ZC3H6: variants seen among roughly 807,000 people sequenced by gnomAD.
ZC3H6 encodes zinc finger CCCH domain-containing protein 6.
ZC3H6 carries 40 observed loss-of-function variants against 107.7 expected under a neutral mutation model. That is an observed-to-expected ratio of 0.37 (90% confidence interval 0.29 to 0.48). The LOEUF (loss-of-function observed/expected upper bound fraction) is 0.48. Among genes scored for constraint, ZC3H6 ranks in the 20% least tolerant of loss-of-function variants. The probability of loss-of-function intolerance (pLI) is 0.98; values close to 1 mark genes in which losing one functional copy is unlikely to be tolerated. For synonymous variants in ZC3H6, 493 were observed against 487.9 expected, an observed-to-expected ratio of 1.01 and a Z score of -0.14; for missense variants, 1,267 against 1,410.4, an observed-to-expected ratio of 0.90 and a Z score of 1.63.
At chr2:112,282,742 C>T (rs1686549468) in intron 1 of ZC3H6, among the ~76,000 whole-genome samples, 1 of 152,104 alleles carries the variant, frequency 6.6e-6, no homozygotes, top group Non-Finnish European at 1.5e-5. Context: ...AATGGAAAAC[C>T]AAATTTCAAT....
intron 3 of ZC3H6, among the ~76,000 whole-genome samples, chr2:112,307,683 C>T (rs58337061): frequency 0.51 from 77,414 of 151,874 alleles, 21,920 homozygotes; most frequent in East Asian, 0.77. Context: ...GGTGTGAATG[C>T]GAATGTGAAG....
chr2:112,277,283 C>T (rs1048594487), intron 1 of ZC3H6, among the ~76,000 whole-genome samples: 1 of 151,906 alleles, frequency 6.6e-6, no homozygotes, highest in Non-Finnish European at 1.5e-5. Context: ...ATTTTTTTAA[C>T]GTTATCTTTT....
Position 112,332,321 on chromosome 2 carries a change from C to A in ZC3H6, c.3403C>A (p.Gln1135Lys). 1 of 1,613,952 alleles carries A rather than the reference C, an allele frequency of 6.2e-7. No individual in the cohort carries two copies. The highest frequency in any genetic ancestry group is 8.5e-7 in the Non-Finnish European group (1 of 1,179,870). Residue 1135 changes from glutamine to lysine, a missense_variant, in exon 12 of 12, where the codon CAG (glutamine) becomes AAG (lysine). Physicochemically the swap from Gln to Lys is moderately conservative, Grantham distance 53 (BLOSUM62 1). This residue lies in a region of ZC3H6 where 925 missense variants were observed against 1,025.7 expected (regional missense o/e 0.90). Coordinates refer to ENST00000409871, the MANE Select transcript of ZC3H6 (RefSeq NM_198581.3). ...QVPAVHSLPV[Q>K]ALTGLIRPQY... ...CCCAGCAGTGCACAGCCTTCCTGTTCAGGCATTAACAGGCTTAATTAGGCC... is the reference window on the plus strand; with the variant it reads ...CCCAGCAGTGCACAGCCTTCCTGTTAAGGCATTAACAGGCTTAATTAGGCC...
intron 1 of ZC3H6, among the ~76,000 whole-genome samples, chr2:112,299,337 C>A (rs1005599120): frequency 2.0e-5 from 3 of 151,878 alleles, no homozygotes; most frequent in Non-Finnish European, 2.9e-5. Context: ...GCTGCACCAA[C>A]TGGATCCTAG....
chr2:112,280,602 A>G (rs544863871), intron 1 of ZC3H6, among the ~76,000 whole-genome samples: 1 of 152,290 alleles, frequency 6.6e-6, no homozygotes, highest in Non-Finnish European at 1.5e-5. Context: ...AATACATAGT[A>G]TAGCACAAGT....
At chr2:112,294,842 T>G (rs528526288) in intron 1 of ZC3H6, among the ~76,000 whole-genome samples, 4 of 152,334 alleles carry the variant, frequency 2.6e-5, no homozygotes, top group African/African-American at 9.6e-5. Context: ...TCTTGAATTT[T>G]TATACCATAG....
At chr2:112,284,159 G>T (rs1466069786) in intron 1 of ZC3H6, among the ~76,000 whole-genome samples, 1 of 151,612 alleles carries the variant, frequency 6.6e-6, no homozygotes, top group Non-Finnish European at 1.5e-5. Context: ...GTGCTTCTGT[G>T]TGGGGTTGAG....
At position 112,338,741 on chromosome 2, in the gene ZC3H6, G is replaced by T. The variant is rs1005164249; in HGVS notation, c.*6253G>T. 8.6e-5 allele frequency: 13 copies of T among 150,710 alleles called. No individual in the cohort carries two copies. Among genetic ancestry groups the T allele is most frequent in the East Asian group, 3.9e-4 (2 of 5,162 alleles). The allele number at this position is 150,710 out of a possible 1,614,324, so 9.3% of individuals were successfully genotyped here. On this transcript the variant is annotated 3_prime_UTR_variant, in exon 12 of 12. Transcript: ENST00000409871. ...GGTCTGATATGTAATTTATTGTAAA[G>T]AAATTAAATATATAGAGGCTCAATT...
intron 11 of ZC3H6, among the ~76,000 whole-genome samples, chr2:112,329,795 C>T (rs1676985572): frequency 6.6e-6 from 1 of 152,194 alleles, no homozygotes; most frequent in South Asian, 2.1e-4. Context: ...TGTTCTGACT[C>T]TTACGTTCTG....
chr2:112,304,181 T>C (rs1364577157), intron 3 of ZC3H6, among the ~76,000 whole-genome samples: 2 of 152,206 alleles, frequency 1.3e-5, no homozygotes, highest in Non-Finnish European at 2.9e-5. Flanking sequence ...CATCTCATTG[T>C]GGTTTTGAGT....
intron 11 of ZC3H6, among the ~76,000 whole-genome samples, chr2:112,330,463 T>C (rs1677005130): frequency 1.3e-5 from 2 of 152,244 alleles, no homozygotes; most frequent in Non-Finnish European, 2.9e-5. Flanking sequence ...ATTCCTCATT[T>C]GCTCAGTTTC....
At position 112,316,458 on chromosome 2, in the gene ZC3H6, T is replaced by C. The variant is rs577628027; in HGVS notation, c.748-12T>C. Reference sequence around the variant, plus strand: ...TCATATGCTGCATTCAAATGGAATTTTTTTCTTGCAGTATAATAAACCAGG... The same window carrying C: ...TCATATGCTGCATTCAAATGGAATTCTTTTCTTGCAGTATAATAAACCAGG... On this transcript the variant is annotated splice_polypyrimidine_tract_variant and intron_variant, in intron 5 of 11. Coordinates refer to ENST00000409871, the MANE Select transcript of ZC3H6 (RefSeq NM_198581.3). The C allele has an allele frequency of 7.8e-6, 12 of 1,535,526 alleles. No homozygotes were observed. The East Asian group carries it at 2.3e-4, about 29-fold the overall frequency.
intron 1 of ZC3H6, among the ~76,000 whole-genome samples, chr2:112,299,436 A>G (rs1676318286): frequency 6.6e-6 from 1 of 152,212 alleles, no homozygotes. Context: ...TAAGTTAAAA[A>G]TACCTTCCTG....
intron 11 of ZC3H6, among the ~76,000 whole-genome samples, chr2:112,330,327 AC>A (rs1677002358): frequency 6.6e-6 from 1 of 152,204 alleles, no homozygotes; most frequent in East Asian, 1.9e-4. Flanking sequence ...TGCTGGAATT[AC>A]AGGTGTGAGC....
intron 11 of ZC3H6, among the ~76,000 whole-genome samples, chr2:112,325,680 A>G (rs2104723524): frequency 6.6e-6 from 1 of 152,288 alleles, no homozygotes; most frequent in East Asian, 1.9e-4. Flanking sequence ...TTTTCTGAAG[A>G]AAATAAATAG....
rs576626983 is a variant in ZC3H6 at position 112,334,908 on chromosome 2, C to T, written c.*2420C>T. The T allele has an allele frequency of 2.0e-5, 3 of 152,638 alleles. No individual in the cohort carries two copies. In the East Asian group the frequency reaches 5.8e-4, roughly 29 times the overall value. 9.5% of individuals were successfully genotyped at this position (152,638 alleles called of 1,614,324 possible). ...TTGAAAAGTAAGTTACGTTCCTGTT[C>T]TTAGAAGCCACACATTTAGAGATAA... On this transcript the variant is annotated 3_prime_UTR_variant, in exon 12 of 12. Transcript: ENST00000409871.
At chr2:112,306,055 C>G (rs1208024366) in intron 3 of ZC3H6, among the ~76,000 whole-genome samples, 2 of 151,976 alleles carry the variant, frequency 1.3e-5, no homozygotes, top group Admixed American at 6.6e-5. Context: ...AAATTTGGTT[C>G]TTTAAAATCT....
intron 1 of ZC3H6, among the ~76,000 whole-genome samples, chr2:112,286,658 G>C (rs1263352207): frequency 1.3e-5 from 2 of 152,210 alleles, no homozygotes; most frequent in African/African-American, 4.8e-5. Context: ...GGCTAGTCTT[G>C]AGCCTCCTGG....
At position 112,330,932 on chromosome 2, in the gene ZC3H6, TTATAA is replaced by T. The variant is rs571635930; in HGVS notation, c.2087-65_2087-61del. ...CCATATTATAAAGAATAATTTATAA[TTATAA>T]TATAATAATTTTATTATATTATAAG... On this transcript the variant is annotated intron_variant, in intron 11 of 11. Transcript: ENST00000409871. 220 of 638,434 alleles carry T rather than the reference TTATAA, an allele frequency of 3.4e-4. No individual in the cohort carries two copies. In the South Asian group the frequency reaches 6.3e-3, roughly 18 times the overall value. 39.5% of individuals were successfully genotyped at this position (638,434 alleles called of 1,614,324 possible).
Sources: gnomAD v4.1 joint callset for allele counts (sites outside exome capture counted in the v4.1 genomes callset) on GRCh38, gnomAD v4.1.1 for gene constraint, gnomAD v4.1.1 regional missense constraint, MANE v1.5 for transcripts, NCBI Gene and HGNC (gene_info 2026-07-23, HGNC 2026-07-21) for gene names.